Variants in LRMDA observed in about 807,000 individuals in gnomAD.
LRMDA encodes leucine rich melanocyte differentiation associated.
LRMDA carries 18 observed loss-of-function variants against 29.8 expected under a neutral mutation model. That is an observed-to-expected ratio of 0.60 (90% CI 0.42 to 0.90). The LOEUF (loss-of-function observed/expected upper bound fraction) is 0.90, where lower values mean the gene tolerates loss of function less well. LRMDA is among the 40% of genes least tolerant of loss of function. LRMDA has a pLI of 0.00. For synonymous variants in LRMDA, 125 were observed against 109.4 expected (o/e 1.14, Z -0.89); for missense variants, 273 against 273.9 (o/e 1.00, Z 0.02).
At chr10:75,536,543 C>T (rs769116265) in intron 2 of LRMDA, among the ~76,000 whole-genome samples, 2 of 152,142 alleles carry the variant, frequency 1.3e-5, no homozygotes, top group Admixed American at 6.5e-5. Flanking sequence ...TGTGTTCCTG[C>T]TCCACCCACT....
At chr10:75,584,633 G>A (rs934200361) in intron 2 of LRMDA, among the ~76,000 whole-genome samples, 1 of 152,118 alleles carries the variant, frequency 6.6e-6, no homozygotes, top group Non-Finnish European at 1.5e-5. Flanking sequence ...GGTAGCATGT[G>A]GTTTAGGCTG....
intron 2 of LRMDA, among the ~76,000 whole-genome samples, chr10:76,026,697 C>T (rs1848069159): frequency 6.6e-6 from 1 of 152,276 alleles, no homozygotes; most frequent in East Asian, 1.9e-4. Context: ...TACCCTCTTC[C>T]TACCAGACTG....
chr10:76,480,622 C>T (rs968849366), intron 6 of LRMDA, among the ~76,000 whole-genome samples: 1 of 151,926 alleles, frequency 6.6e-6, no homozygotes, highest in Non-Finnish European at 1.5e-5. Flanking sequence ...CAAACATTTC[C>T]TTGCCTCCCT....
chr10:75,634,548 GC>G (rs1337521299), intron 2 of LRMDA, among the ~76,000 whole-genome samples: 4 of 152,156 alleles, frequency 2.6e-5, no homozygotes, highest in Non-Finnish European at 4.4e-5. Context: ...TCCTCACCTG[GC>G]TCAATTCACT....
At chr10:76,444,521 C>T (rs1258746683) in intron 6 of LRMDA, among the ~76,000 whole-genome samples, 3 of 152,194 alleles carry the variant, frequency 2.0e-5, no homozygotes, top group South Asian at 2.1e-4. Flanking sequence ...ACTTGTAGCT[C>T]ATTTGATGGC....
chr10:76,215,744 T>G (rs962176026), intron 5 of LRMDA, among the ~76,000 whole-genome samples: 4 of 152,178 alleles, frequency 2.6e-5, no homozygotes, highest in East Asian at 1.9e-4. Context: ...TGAATTGATC[T>G]GTAGTTGCCT....
chr10:75,627,447 G>C (rs951788821), intron 2 of LRMDA, among the ~76,000 whole-genome samples: 1 of 152,204 alleles, frequency 6.6e-6, no homozygotes, highest in Admixed American at 6.5e-5. Context: ...TCTTTAAAGA[G>C]ATGAGTTATG....
At chr10:76,109,719 C>T (rs1046905892) in intron 5 of LRMDA, among the ~76,000 whole-genome samples, 1 of 152,204 alleles carries the variant, frequency 6.6e-6, no homozygotes, top group Admixed American at 6.5e-5. Flanking sequence ...GCTTAATTCC[C>T]TCCATGTTGC....
At chr10:76,125,773 C>T (rs1849871044) in intron 5 of LRMDA, among the ~76,000 whole-genome samples, 1 of 152,208 alleles carries the variant, frequency 6.6e-6, no homozygotes, top group Admixed American at 6.5e-5. Flanking sequence ...CCCAAGATGA[C>T]TGTCTCGACC....
At chr10:76,553,591 T>A (rs1312268395) in intron 6 of LRMDA, among the ~76,000 whole-genome samples, 1 of 152,228 alleles carries the variant, frequency 6.6e-6, no homozygotes, top group Admixed American at 6.5e-5. Context: ...ATTTTACAAA[T>A]AACCTTCATG....
chr10:75,710,685 G>T (rs540337064), intron 2 of LRMDA, among the ~76,000 whole-genome samples: 1 of 152,378 alleles, frequency 6.6e-6, no homozygotes, highest in East Asian at 1.9e-4. Context: ...GGAACGAAAA[G>T]TGAGCTGTGG....
At chr10:76,450,611 C>T (rs993236837) in intron 6 of LRMDA, among the ~76,000 whole-genome samples, 2 of 152,122 alleles carry the variant, frequency 1.3e-5, no homozygotes, top group African/African-American at 2.4e-5. Flanking sequence ...CTGTCATCTT[C>T]TCTTCTATAT....
chr10:76,243,046 A>G (rs1220710739), intron 5 of LRMDA, among the ~76,000 whole-genome samples: 1 of 152,186 alleles, frequency 6.6e-6, no homozygotes, highest in Non-Finnish European at 1.5e-5. Context: ...AACATCTCGT[A>G]TAAACAGCAG....
At chr10:75,797,619 T>C (rs76599012) in intron 2 of LRMDA, among the ~76,000 whole-genome samples, 3,076 of 152,296 alleles carry the variant, frequency 0.02, 99 homozygotes, top group African/African-American at 0.071. Context: ...TTTCTAGACA[T>C]TCCATACAAA....
At chr10:75,517,473 G>A (rs1845304367) in intron 2 of LRMDA, among the ~76,000 whole-genome samples, 1 of 152,110 alleles carries the variant, frequency 6.6e-6, no homozygotes, top group Admixed American at 6.6e-5. Flanking sequence ...TTGTGAATGG[G>A]AGTTCATTCA....
At chr10:75,931,400 A>G (rs1175301195) in intron 2 of LRMDA, among the ~76,000 whole-genome samples, 3 of 152,196 alleles carry the variant, frequency 2.0e-5, no homozygotes, top group African/African-American at 7.2e-5. Context: ...GTTTCATATT[A>G]AAGGCTCTCA....
At chr10:76,494,146 G>A (rs572757223) in intron 6 of LRMDA, among the ~76,000 whole-genome samples, 1 of 151,898 alleles carries the variant, frequency 6.6e-6, no homozygotes, top group South Asian at 2.1e-4. Flanking sequence ...TCTTTCCAAT[G>A]TAGTTGGACT....
intron 2 of LRMDA, among the ~76,000 whole-genome samples, chr10:75,685,438 T>C (rs1447716171): frequency 2.6e-5 from 4 of 152,222 alleles, no homozygotes; most frequent in South Asian, 2.1e-4. Flanking sequence ...TATCCACCCA[T>C]GTGCTCAAGT....
At chr10:75,977,948 G>A (rs1467280927) in intron 2 of LRMDA, among the ~76,000 whole-genome samples, 2 of 152,210 alleles carry the variant, frequency 1.3e-5, no homozygotes, top group Non-Finnish European at 2.9e-5. Context: ...TGTCTTGTAA[G>A]TTTGTTGGGG....
Sources: gnomAD v4.1 joint callset for allele counts (sites outside exome capture counted in the v4.1 genomes callset) on GRCh38, gnomAD v4.1.1 for gene constraint, MANE v1.5 for transcripts, NCBI Gene and HGNC (gene_info 2026-07-23, HGNC 2026-07-21) for gene names.